Variants in RALYL observed in about 807,000 individuals in gnomAD.
The protein encoded by RALYL is RNA-binding Raly-like protein.
Under a neutral mutation model 35.1 loss-of-function variants are expected in RALYL, and 29 were observed. That is an observed-to-expected ratio of 0.83 (90% confidence interval 0.61 to 1.13). The LOEUF is 1.13. Among genes scored for constraint, RALYL ranks in the 50% most tolerant of loss-of-function variants. RALYL has a pLI of 0.00. For synonymous variants in RALYL, 120 were observed against 127.6 expected (o/e 0.94, Z 0.40); for missense variants, 359 against 360.4 (o/e 1.00, Z 0.03).
intron 1 of RALYL, among the ~76,000 whole-genome samples, chr8:84,186,107 T>A (rs568207889): frequency 9.8e-5 from 15 of 152,302 alleles, no homozygotes; most frequent in African/African-American, 3.4e-4. Flanking sequence ...GTTCTCCGAG[T>A]AGCTTTTCTC....
chr8:84,394,774 C>T (rs1384184586), intron 1 of RALYL, among the ~76,000 whole-genome samples: 1 of 151,794 alleles, frequency 6.6e-6, no homozygotes, highest in Non-Finnish European at 1.5e-5. Flanking sequence ...CCATTATATG[C>T]AAAGGTTTTT....
chr8:84,388,163 G>A (rs1281191073), intron 1 of RALYL, among the ~76,000 whole-genome samples: 1 of 152,026 alleles, frequency 6.6e-6, no homozygotes, highest in Non-Finnish European at 1.5e-5. Context: ...CCCTACAAAG[G>A]ACATGAACTC....
intron 1 of RALYL, among the ~76,000 whole-genome samples, chr8:84,436,407 G>A (rs1180301277): frequency 6.6e-6 from 1 of 151,888 alleles, no homozygotes; most frequent in African/African-American, 2.4e-5. Flanking sequence ...ACATATATAA[G>A]GCAGCCTATC....
intron 1 of RALYL, among the ~76,000 whole-genome samples, chr8:84,508,884 A>G (rs1176616286): frequency 6.6e-6 from 1 of 152,106 alleles, no homozygotes; most frequent in Non-Finnish European, 1.5e-5. Context: ...GTATATTTTT[A>G]TAGAATTGAA....
At chr8:84,497,957 GTT>G (rs34025556) in intron 1 of RALYL, among the ~76,000 whole-genome samples, 68,231 of 147,906 alleles carry the variant, frequency 0.46, 15,643 homozygotes, top group South Asian at 0.62. Context: ...TGCTTTTTAA[GTT>G]TTTTTTTTTT....
intron 2 of RALYL, among the ~76,000 whole-genome samples, chr8:84,605,092 G>T (rs1816815417): frequency 6.6e-6 from 1 of 152,058 alleles, no homozygotes; most frequent in Admixed American, 6.6e-5. Context: ...CTCAGAAATT[G>T]ATCTGAATAA....
At chr8:84,887,057 T>A (rs1200079485) in intron 7 of RALYL, among the ~76,000 whole-genome samples, 3 of 152,212 alleles carry the variant, frequency 2.0e-5, no homozygotes, top group African/African-American at 7.2e-5. Flanking sequence ...TAATTTAGAC[T>A]TTAAAATTTC....
chr8:84,464,754 C>G (rs559163883), intron 1 of RALYL, among the ~76,000 whole-genome samples: 27 of 151,086 alleles, frequency 1.8e-4, no homozygotes, highest in South Asian at 1.7e-3. Context: ...TACAGTCCCA[C>G]CAACAGTGTA....
intron 1 of RALYL, among the ~76,000 whole-genome samples, chr8:84,214,551 G>A (rs1050619895): frequency 2.6e-5 from 4 of 152,088 alleles, no homozygotes; most frequent in African/African-American, 7.2e-5. Context: ...TTAGTTATAT[G>A]TTAAATTTTT....
chr8:84,797,143 A>G (rs1177937786), intron 3 of RALYL, among the ~76,000 whole-genome samples: 1 of 152,230 alleles, frequency 6.6e-6, no homozygotes, highest in Non-Finnish European at 1.5e-5. Flanking sequence ...TTGTTGCATC[A>G]TAATATGGTG....
intron 1 of RALYL, among the ~76,000 whole-genome samples, chr8:84,412,341 A>T (rs2044190995): frequency 6.6e-6 from 1 of 151,908 alleles, no homozygotes; most frequent in African/African-American, 2.4e-5. Context: ...ATTTTTTCTG[A>T]TAGTAGTAAT....
chr8:84,384,710 C>A (rs545710768), intron 1 of RALYL, among the ~76,000 whole-genome samples: 2 of 151,830 alleles, frequency 1.3e-5, no homozygotes, highest in South Asian at 4.1e-4. Context: ...AATTCAAATT[C>A]TCTGATAAGC....
chr8:84,903,619 C>G (rs1846047358), intron 8 of RALYL, among the ~76,000 whole-genome samples: 1 of 152,120 alleles, frequency 6.6e-6, no homozygotes, highest in East Asian at 1.9e-4. Flanking sequence ...ATGCTACATA[C>G]TAATATCAGT....
intron 2 of RALYL, among the ~76,000 whole-genome samples, chr8:84,677,708 C>T (rs1407246273): frequency 6.6e-6 from 1 of 152,186 alleles, no homozygotes; most frequent in African/African-American, 2.4e-5. Flanking sequence ...GCAGTTATTT[C>T]AGCTGCTTTC....
At position 84,590,570 on chromosome 8, in the gene RALYL, A is replaced by G. The variant is rs556973181; in HGVS notation, c.256+60993A>G. On this transcript the variant is annotated intron_variant, in intron 2 of 8. Coordinates refer to ENST00000521268, the MANE Select transcript of RALYL (RefSeq NM_173848.7). ...AAGGAAAATATTGCACATTTGAAGG[A>G]CGCTCATGTGGAAGGAGGATTAGAT... Among the ~76,000 whole-genome samples, 9 of 152,300 alleles carry G rather than the reference A, an allele frequency of 5.9e-5. No homozygotes were observed. In the East Asian group the frequency reaches 1.7e-3, roughly 29 times the overall value.
chr8:84,846,267 C>A (rs1221177839), intron 4 of RALYL, among the ~76,000 whole-genome samples: 1 of 152,150 alleles, frequency 6.6e-6, no homozygotes, highest in Non-Finnish European at 1.5e-5. Context: ...TTCTTCCAAT[C>A]CATGAACAAG....
At chr8:84,242,558 A>AT (rs1376217275) in intron 1 of RALYL, among the ~76,000 whole-genome samples, 1 of 151,616 alleles carries the variant, frequency 6.6e-6, no homozygotes, top group African/African-American at 2.4e-5. Flanking sequence ...AGATATTTTG[A>AT]TTTTGATTTG....
chr8:84,784,403 T>G (rs2133763504), intron 3 of RALYL, among the ~76,000 whole-genome samples: 1 of 152,316 alleles, frequency 6.6e-6, no homozygotes, highest in Non-Finnish European at 1.5e-5. Flanking sequence ...TCATCTAGTC[T>G]CACTCTTACA....
chr8:84,876,485 T>G (rs1219572449), intron 7 of RALYL, among the ~76,000 whole-genome samples: 1 of 152,228 alleles, frequency 6.6e-6, no homozygotes, highest in African/African-American at 2.4e-5. Flanking sequence ...CGCATATAAG[T>G]TGCCACATAT....
Sources: allele counts gnomAD v4.1 joint callset (sites outside exome capture counted in the v4.1 genomes callset), GRCh38; gene constraint gnomAD v4.1.1; transcripts MANE v1.5; gene names NCBI Gene and HGNC (gene_info 2026-07-23, HGNC 2026-07-21).